Variants in PLCH1 observed in about 807,000 individuals in gnomAD.
The protein encoded by PLCH1 is phospholipase C eta 1.
PLCH1 carries 60 observed loss-of-function variants against 126.7 expected under a neutral mutation model. That is an observed-to-expected ratio of 0.47 (90% confidence interval 0.38 to 0.59). The LOEUF (loss-of-function observed/expected upper bound fraction) is 0.59. Among genes scored for constraint, PLCH1 ranks in the 20% least tolerant of loss-of-function variants. The probability of loss-of-function intolerance (pLI) is 0.00; values close to 1 mark genes in which losing one functional copy is unlikely to be tolerated. For synonymous variants in PLCH1, 719 were observed against 734.9 expected, an observed-to-expected ratio of 0.98 and a Z score of 0.35; for missense variants, 1,723 against 2,040.0, an observed-to-expected ratio of 0.84 and a Z score of 2.99.
In PLCH1 at chr3:155,482,116, G is replaced by A. The variant is rs377451566; in HGVS notation, c.3910C>T (p.Arg1304Cys). The change falls in exon 23 of 23, where the codon CGT (arginine) becomes TGT (cysteine). Residue 1304 changes from arginine to cysteine, a missense_variant. By Grantham distance (180) the Arg-to-Cys change is radical. This residue lies in a region of PLCH1 where 947 missense variants were observed against 977.1 expected (regional missense o/e 0.97). Transcript: ENST00000460012. ...SNLPGSPNTSRGWLPKSPTKG... is the reference protein window; with the variant it reads ...SNLPGSPNTSCGWLPKSPTKG... ...GTAGGACTTTTTGGTAACCAGCCAC[G>A]AGAAGTATTAGGGGATCCAGGCAGG... is the stretch of plus-strand genomic sequence containing the variant. The A allele has an allele frequency of 3.0e-5, 48 of 1,614,024 alleles. No homozygotes were observed. The highest frequency in any genetic ancestry group is 1.8e-4 in the South Asian group (16 of 91,082).
Position 155,482,625 on chromosome 3 carries a change from CT to C in PLCH1, c.3400del (p.Arg1134GlyfsTer35), listed in dbSNP as rs745614889. On this transcript the variant is annotated frameshift_variant, in exon 23 of 23. Coordinates refer to ENST00000460012, the MANE Select transcript of PLCH1 (RefSeq NM_014996.4). LOFTEE classifies it low-confidence loss of function (END_TRUNC). ...GGATGTTGCAGCTCGGCCCTTACCC[CT>C]ATTACCTTCCAGGTTCTTAATTTCT... is the stretch of plus-strand genomic sequence containing the variant. ...NLEIKNLEGNRGKGRAATSFS... is the reference protein window; with the variant it reads ...NLEIKNLEGNXGKGRAATSFS... The C allele has an allele frequency of 1.9e-5, 30 of 1,614,072 alleles. No individual in the cohort carries two copies. The highest frequency in any genetic ancestry group is 2.4e-5 in the Non-Finnish European group (28 of 1,180,038).
chr3:155,609,140 ACTT>A (rs1313127073), intron 2 of PLCH1, among the ~76,000 whole-genome samples: 3 of 152,202 alleles, frequency 2.0e-5, no homozygotes, highest in African/African-American at 7.2e-5. Flanking sequence ...CACAGAGTCT[ACTT>A]CATTCCCTTG....
intron 2 of PLCH1, among the ~76,000 whole-genome samples, chr3:155,640,354 T>C (rs1442548785): frequency 3.3e-5 from 5 of 152,184 alleles, no homozygotes; most frequent in Non-Finnish European, 4.4e-5. Flanking sequence ...GGTGATAAAA[T>C]GGCAGGGTGG....
chr3:155,505,316 G>A (rs1403363999), intron 12 of PLCH1, among the ~76,000 whole-genome samples: 2 of 152,122 alleles, frequency 1.3e-5, no homozygotes, highest in African/African-American at 4.8e-5. Context: ...CTTTCCTGGA[G>A]CCTATGTCTC....
chr3:155,722,517 G>T (rs1369728735), intron 1 of PLCH1, among the ~76,000 whole-genome samples: 4 of 152,124 alleles, frequency 2.6e-5, no homozygotes, highest in Non-Finnish European at 4.4e-5. Context: ...TTTGCTGAGG[G>T]TCTTAATCAT....
At chr3:155,594,424 T>A (rs1577093282) in intron 3 of PLCH1, among the ~76,000 whole-genome samples, 1 of 151,626 alleles carries the variant, frequency 6.6e-6, no homozygotes, top group Admixed American at 6.6e-5. Flanking sequence ...AAAAAAAAAA[T>A]TGGCCGGGCA....
Position 155,566,312 on chromosome 3 carries a change from CAT to C in PLCH1, c.866-1196_866-1195del, listed in dbSNP as rs373954219. Reference sequence around the variant, plus strand: ...ATACGTATATATACACATATATATACATATATACATATATATACGTATATATA... The same window carrying C: ...ATACGTATATATACACATATATATACATATACATATATATACGTATATATA... On this transcript the variant is annotated intron_variant, in intron 7 of 22. Transcript: ENST00000460012. Among the ~76,000 whole-genome samples, 2 of 12,276 alleles carry C rather than the reference CAT, an allele frequency of 1.6e-4. 1 individual carries two copies. The highest frequency in any genetic ancestry group is 3.5e-4 in the Non-Finnish European group (2 of 5,770). The allele number at this position is 12,276 out of a possible 152,430, so 8.1% of individuals were successfully genotyped here.
In PLCH1 at chr3:155,572,181, A is replaced by G. The variant is rs182236027; in HGVS notation, c.772-3857T>C. 3.2e-4 allele frequency among the ~76,000 whole-genome samples: 48 copies of G among 152,210 alleles called. No individual in the cohort carries two copies. In the East Asian group the frequency reaches 8.7e-3, roughly 28 times the overall value. On this transcript the variant is annotated intron_variant, in intron 6 of 22. Coordinates refer to ENST00000460012, the MANE Select transcript of PLCH1 (RefSeq NM_014996.4). ...GGAACTGTATTCAGCTTTTGCTCTG[A>G]CTTTACTCTGTCACTCTTGTGAAAG...
chr3:155,652,777 A>G (rs1740860176), intron 2 of PLCH1, among the ~76,000 whole-genome samples: 1 of 152,040 alleles, frequency 6.6e-6, no homozygotes, highest in African/African-American at 2.4e-5. Flanking sequence ...CCACCCTCTC[A>G]GGCACTCACC....
At chr3:155,542,355 G>T (rs1343226778) in intron 10 of PLCH1, among the ~76,000 whole-genome samples, 1 of 152,180 alleles carries the variant, frequency 6.6e-6, no homozygotes, top group East Asian at 1.9e-4. Flanking sequence ...CATTGCCCAG[G>T]CTTGCTTAGG....
At chr3:155,668,963 T>C (rs987090280) in intron 2 of PLCH1, among the ~76,000 whole-genome samples, 19 of 152,208 alleles carry the variant, frequency 1.2e-4, no homozygotes, top group Non-Finnish European at 2.8e-4. Context: ...CATTGTATTC[T>C]TCCTTTGTCC....
chr3:155,584,611 C>T (rs561953117), intron 5 of PLCH1, among the ~76,000 whole-genome samples: 3 of 152,090 alleles, frequency 2.0e-5, no homozygotes, highest in Non-Finnish European at 4.4e-5. Flanking sequence ...TCTAAGTGAA[C>T]ACAATTCTAA....
At position 155,482,533 on chromosome 3, in the gene PLCH1, G is replaced by C; in HGVS notation, c.3493C>G (p.Gln1165Glu). 6.2e-7 allele frequency: 1 copy of C among 1,614,190 alleles called. No homozygotes were observed. Among genetic ancestry groups the C allele is most frequent in the Non-Finnish European group, 8.5e-7 (1 of 1,180,004 alleles). ...IPDLHSTAILQESVISHLIDN... is the reference protein window; with the variant it reads ...IPDLHSTAILEESVISHLIDN... ...ATAAGATGGGAAATTACACTCTCCT[G>C]CAGAATTGCAGTTGAATGTAGGTCA... Residue 1165 changes from glutamine to glutamate, a missense_variant, in exon 23 of 23, where the codon CAG (glutamine) becomes GAG (glutamate). Around this residue, in one of 2 missense-constraint regions of PLCH1, gnomAD observed 947 missense variants for 977.1 expected, o/e 0.97. Coordinates refer to ENST00000460012, the MANE Select transcript of PLCH1 (RefSeq NM_014996.4).
intron 1 of PLCH1, among the ~76,000 whole-genome samples, chr3:155,737,734 A>G (rs1749302477): frequency 6.6e-6 from 1 of 152,220 alleles, no homozygotes; most frequent in South Asian, 2.1e-4. Context: ...ATATGATTTT[A>G]TAGCAAATCA....
intron 21 of PLCH1, among the ~76,000 whole-genome samples, chr3:155,465,577 CT>C (rs887639515): frequency 1.3e-5 from 2 of 152,110 alleles, no homozygotes; most frequent in Admixed American, 1.3e-4. Context: ...TATGGGCAAA[CT>C]CCTTCTGCTT....
intron 2 of PLCH1, among the ~76,000 whole-genome samples, chr3:155,612,528 A>G (rs1322876728): frequency 9.2e-6 from 1 of 108,652 alleles, no homozygotes; most frequent in Non-Finnish European, 1.7e-5. Flanking sequence ...TAAAACTAAC[A>G]AACAACAAAA....
intron 8 of PLCH1, among the ~76,000 whole-genome samples, chr3:155,561,531 C>T (rs1204671252): frequency 6.6e-6 from 1 of 151,666 alleles, no homozygotes; most frequent in Non-Finnish European, 1.5e-5. Context: ...TCCAGTCTAT[C>T]ATTGTTGGAC....
In PLCH1 at chr3:155,592,225, C is replaced by T. The variant is rs1362737883; in HGVS notation, c.470+1716G>A. On this transcript the variant is annotated intron_variant, in intron 4 of 22. Coordinates refer to ENST00000460012, the MANE Select transcript of PLCH1 (RefSeq NM_014996.4). ...CGTGGCCAAGCCTGGTGGCTTACGC[C>T]TGTAATCCCAGCACTTTGGGAGGCT... Among the ~76,000 whole-genome samples, 14 of 149,090 alleles carry T rather than the reference C, an allele frequency of 9.4e-5. 1 individual carries two copies. In the Middle Eastern group the frequency reaches 0.011, roughly 113 times the overall value.
At chr3:155,544,714 G>C (rs1481272236) in intron 10 of PLCH1, among the ~76,000 whole-genome samples, 1 of 151,858 alleles carries the variant, frequency 6.6e-6, no homozygotes, top group Non-Finnish European at 1.5e-5. Flanking sequence ...AATCAAACTA[G>C]AACTCAGGAT....
Sources: allele counts gnomAD v4.1 joint callset (sites outside exome capture counted in the v4.1 genomes callset), GRCh38; gene constraint gnomAD v4.1.1; regional missense constraint gnomAD v4.1.1; transcripts MANE v1.5; gene names NCBI Gene and HGNC (gene_info 2026-07-23, HGNC 2026-07-21).